EFEMP1: variants seen among roughly 807,000 people sequenced by gnomAD.
The protein encoded by EFEMP1 is EGF-like fibulin extracellular matrix protein 1, also known as EGF-containing fibulin-like extracellular matrix protein 1.
Under a neutral mutation model 65.7 loss-of-function variants are expected in EFEMP1, and 18 were observed. The observed-to-expected ratio is 0.27, with a 90% confidence interval of 0.19 to 0.41. The LOEUF (loss-of-function observed/expected upper bound fraction) is 0.41. Ranked by LOEUF, EFEMP1 falls within the 10% of genes least tolerant of loss-of-function variation. The pLI, the probability that EFEMP1 is intolerant of heterozygous loss-of-function variation, is 1.00. For missense variants in EFEMP1, 469 were observed against 624.8 expected, an observed-to-expected ratio of 0.75 and a Z score of 2.66; for synonymous variants, 237 against 219.7, an observed-to-expected ratio of 1.08 and a Z score of -0.70.
chr2:55,869,638 G>A (rs1210519930), intron 11 of EFEMP1, among the ~76,000 whole-genome samples: 1 of 152,068 alleles, frequency 6.6e-6, no homozygotes, highest in Non-Finnish European at 1.5e-5. Context: ...TCTGTAAACT[G>A]TACCACAAGG....
chr2:55,895,444 T>TA (rs1669786458), intron 5 of EFEMP1, among the ~76,000 whole-genome samples: 1 of 152,316 alleles, frequency 6.6e-6, no homozygotes, highest in South Asian at 2.1e-4. Context: ...TTCCCTATCT[T>TA]ACCAGTAAAG....
intron 11 of EFEMP1, among the ~76,000 whole-genome samples, chr2:55,868,309 G>T (rs1201000132): frequency 6.6e-6 from 1 of 152,114 alleles, no homozygotes; most frequent in Non-Finnish European, 1.5e-5. Context: ...ATGTGCTGAG[G>T]ATAGAATACT....
At chr2:55,910,720 T>C (rs1331183213) in intron 5 of EFEMP1, among the ~76,000 whole-genome samples, 2 of 152,222 alleles carry the variant, frequency 1.3e-5, no homozygotes, top group Non-Finnish European at 2.9e-5. Flanking sequence ...TCCTCGTCTT[T>C]GATGGGAAGT....
intron 5 of EFEMP1, among the ~76,000 whole-genome samples, chr2:55,913,961 G>A (rs1670580231): frequency 6.6e-6 from 1 of 152,098 alleles, no homozygotes; most frequent in South Asian, 2.1e-4. Context: ...AGTGAGCCAA[G>A]ATAGCACCTC....
In EFEMP1 at chr2:55,866,721, G is replaced by C; in HGVS notation, c.*352C>G. The C allele has an allele frequency of 4.3e-6, 1 of 230,662 alleles. No individual in the cohort carries two copies. Among genetic ancestry groups the C allele is most frequent in the Non-Finnish European group, 8.6e-6 (1 of 116,262 alleles). The allele number at this position is 230,662 out of a possible 1,614,324, so 14.3% of individuals were successfully genotyped here. On this transcript the variant is annotated 3_prime_UTR_variant, in exon 12 of 12. Coordinates refer to ENST00000355426, the MANE Select transcript of EFEMP1 (RefSeq NM_001039348.3). ...GGTTATGATGGCTGCCTCCTTATGAGACTGTTAGTGGAGCTCTAGTAAGTT... is the reference window on the plus strand; with the variant it reads ...GGTTATGATGGCTGCCTCCTTATGACACTGTTAGTGGAGCTCTAGTAAGTT...
intron 5 of EFEMP1, among the ~76,000 whole-genome samples, chr2:55,888,650 T>C (rs1348147831): frequency 3.3e-5 from 5 of 151,730 alleles, no homozygotes; most frequent in Admixed American, 1.3e-4. Flanking sequence ...TAGAAAATGT[T>C]TGGGAAAAGA....
chr2:55,904,073 A>G (rs1183334681), intron 5 of EFEMP1, among the ~76,000 whole-genome samples: 2 of 151,996 alleles, frequency 1.3e-5, no homozygotes, highest in Non-Finnish European at 2.9e-5. Context: ...TTCTCCACAA[A>G]TGTATGTTTG....
intron 5 of EFEMP1, among the ~76,000 whole-genome samples, chr2:55,888,062 T>C (rs896703903): frequency 6.6e-6 from 1 of 152,128 alleles, no homozygotes; most frequent in Non-Finnish European, 1.5e-5. Context: ...AACTAATGCA[T>C]GTGAACGACC....
In EFEMP1 at chr2:55,873,807, A is replaced by G. The variant is rs1428255028; in HGVS notation, c.1000+1139T>C. Among the ~76,000 whole-genome samples the G allele has an allele frequency of 6.6e-6, 1 of 151,956 alleles. No individual in the cohort carries two copies. Among genetic ancestry groups the G allele is most frequent in the Non-Finnish European group, 1.5e-5 (1 of 67,928 alleles). On this transcript the variant is annotated intron_variant, in intron 9 of 11. Transcript: ENST00000355426. The surrounding 1 kb of genome is among the most constrained non-coding windows in gnomAD (Gnocchi z 4.6). ...CAGGTAATGGATTTCCTCTAAGTTA[A>G]TATTTTCCTGTAAAATCATGATATA...
intron 5 of EFEMP1, among the ~76,000 whole-genome samples, chr2:55,905,871 T>G (rs575554693): frequency 1.1e-4 from 16 of 152,326 alleles, no homozygotes; most frequent in Non-Finnish European, 1.9e-4. Context: ...AATAGTCCAT[T>G]TGGTGTATTA....
intron 9 of EFEMP1, among the ~76,000 whole-genome samples, chr2:55,872,374 A>G (rs1668843299): frequency 6.6e-6 from 1 of 152,080 alleles, no homozygotes; most frequent in African/African-American, 2.4e-5. Flanking sequence ...CTGCATGTCT[A>G]GCTTAACCCT....
intron 5 of EFEMP1, among the ~76,000 whole-genome samples, chr2:55,908,902 C>T (rs189773916): frequency 6.6e-6 from 1 of 152,198 alleles, no homozygotes; most frequent in East Asian, 1.9e-4. Context: ...AAAAAGAATT[C>T]TAGTGTTCCC....
Position 55,922,853 on chromosome 2 carries a change from CA to C in EFEMP1, c.-8+45del, listed in dbSNP as rs1670953289. 1 of 1,159,886 alleles carries C rather than the reference CA, an allele frequency of 8.6e-7. No individual in the cohort carries two copies. Among genetic ancestry groups the C allele is most frequent in the East Asian group, 6.0e-5 (1 of 16,592 alleles). 71.8% of individuals were successfully genotyped at this position (1,159,886 alleles called of 1,614,324 possible). A position where few individuals can be genotyped will look rare whatever the true frequency, so the allele number is the denominator to read the frequency against. Reference sequence around the variant, plus strand: ...ACCCCGGGGGATGGAGGTGGGGCTGCAAAACTCTGTTCTCTAGAACGTTAAG... The same window carrying C: ...ACCCCGGGGGATGGAGGTGGGGCTGCAAACTCTGTTCTCTAGAACGTTAAG... On this transcript the variant is annotated intron_variant, in intron 2 of 11. Transcript: ENST00000355426. This position sits in a 1 kb window ranked among gnomAD's most constrained non-coding sequence, Gnocchi z 5.5.
chr2:55,915,158 A>G (rs1670630190), intron 5 of EFEMP1, among the ~76,000 whole-genome samples: 1 of 152,210 alleles, frequency 6.6e-6, no homozygotes, highest in Non-Finnish European at 1.5e-5. Flanking sequence ...GAAGAAATCC[A>G]ACTTAAGCCC....
At chr2:55,910,296 A>C (rs893008378) in intron 5 of EFEMP1, among the ~76,000 whole-genome samples, 1 of 152,190 alleles carries the variant, frequency 6.6e-6, no homozygotes, top group Non-Finnish European at 1.5e-5. Flanking sequence ...TTCTTTTGCC[A>C]ATATTTGAAA....
chr2:55,866,126 C>T lies in EFEMP1; in HGVS notation c.*947G>A, dbSNP rs574934469. The T allele has an allele frequency of 2.8e-4, 43 of 152,214 alleles. No homozygotes were observed. Among genetic ancestry groups the T allele is most frequent in the African/African-American group, 9.9e-4 (41 of 41,536 alleles). 9.4% of individuals were successfully genotyped at this position (152,214 alleles called of 1,614,324 possible). ...CACTCTGGATGCCAGGAATAAAAAC[C>T]ATCATCATTTTCTTCCTCTGTGAGC... On this transcript the variant is annotated 3_prime_UTR_variant, in exon 12 of 12. Transcript: ENST00000355426.
At chr2:55,891,125 G>A (rs943137694) in intron 5 of EFEMP1, among the ~76,000 whole-genome samples, 3 of 152,020 alleles carry the variant, frequency 2.0e-5, no homozygotes, top group Non-Finnish European at 4.4e-5. Flanking sequence ...TCTTGACCAT[G>A]TATTTCCAAA....
chr2:55,910,917 G>A (rs953032676), intron 5 of EFEMP1, among the ~76,000 whole-genome samples: 1 of 152,026 alleles, frequency 6.6e-6, no homozygotes, highest in Non-Finnish European at 1.5e-5. Context: ...CTTCTCTTTT[G>A]TGGTTCTACA....
chr2:55,895,681 A>G (rs984937320), intron 5 of EFEMP1, among the ~76,000 whole-genome samples: 23 of 151,622 alleles, frequency 1.5e-4, no homozygotes, highest in Non-Finnish European at 3.2e-4. Context: ...AGCTGGGACT[A>G]CAGGCGCCCG....
Sources: allele counts gnomAD v4.1 joint callset (sites outside exome capture counted in the v4.1 genomes callset), GRCh38; gene constraint gnomAD v4.1.1; non-coding constraint Gnocchi (gnomAD v3.1); transcripts MANE v1.5; gene names NCBI Gene and HGNC (gene_info 2026-07-23, HGNC 2026-07-21).